The following PAPPA2 variants were observed in gnomAD, a reference collection of about 807,000 sequenced individuals.
The protein encoded by PAPPA2 is pappalysin 2.
Under a neutral mutation model 176.4 loss-of-function variants are expected in PAPPA2, and 86 were observed. The ratio of observed to expected loss-of-function variants is 0.49; its 90% CI spans 0.41 to 0.58. The LOEUF is 0.58. Ranked by LOEUF, PAPPA2 falls within the 20% of genes least tolerant of loss-of-function variation. PAPPA2 has a pLI of 0.00. For missense variants in PAPPA2, 2,073 were observed against 2,256.9 expected, an observed-to-expected ratio of 0.92 and a Z score of 1.65; for synonymous variants, 809 against 852.2, an observed-to-expected ratio of 0.95 and a Z score of 0.88.
chr1:176,692,718 G>C (rs1028427166), intron 6 of PAPPA2, among the ~76,000 whole-genome samples: 1 of 152,208 alleles, frequency 6.6e-6, no homozygotes, highest in African/African-American at 2.4e-5. Context: ...GCACTTCTGG[G>C]TGTGGGTGGA....
Position 176,692,247 on chromosome 1 carries a change from G to A in PAPPA2, c.2553G>A (p.Met851Ile). 1 of 1,614,050 alleles carries A rather than the reference G, an allele frequency of 6.2e-7. No homozygotes were observed. The highest frequency in any genetic ancestry group is 2.2e-5 in the East Asian group (1 of 44,884). ...CCACCCCCATCCCCATTCCACCTAT[G>A]GTCATCGGACAGACCAACAAGTCCC... ...RKPTPIPIPP[M>I]VIGQTNKSLT... Residue 851 changes from methionine to isoleucine, a missense_variant, in exon 6 of 23, where the codon ATG becomes ATA. By Grantham distance (10) the Met-to-Ile change is conservative (BLOSUM62 1). Coordinates refer to ENST00000367662, the MANE Select transcript of PAPPA2 (RefSeq NM_020318.3).
intron 21 of PAPPA2, among the ~76,000 whole-genome samples, chr1:176,833,408 A>AT (rs1405943616): frequency 6.6e-6 from 1 of 152,234 alleles, no homozygotes; most frequent in Non-Finnish European, 1.5e-5. Flanking sequence ...ACAGGATTAC[A>AT]TAAAAACTCC....
At chr1:176,815,823 A>C (rs932493404) in intron 21 of PAPPA2, among the ~76,000 whole-genome samples, 10 of 152,216 alleles carry the variant, frequency 6.6e-5, no homozygotes, top group African/African-American at 1.9e-4. Flanking sequence ...TTCTTTTGAG[A>C]ACTTGATCAG....
At chr1:176,530,398 A>C (rs779751122) in intron 1 of PAPPA2, among the ~76,000 whole-genome samples, 22 of 152,222 alleles carry the variant, frequency 1.4e-4, no homozygotes, top group Non-Finnish European at 2.9e-4. Flanking sequence ...TGAGGAACAC[A>C]AGCAAGGGCC....
chr1:176,736,935 A>G (rs1662445073), intron 12 of PAPPA2, among the ~76,000 whole-genome samples: 1 of 152,040 alleles, frequency 6.6e-6, no homozygotes, highest in African/African-American at 2.4e-5. Context: ...TATCAACTGA[A>G]AATAGCATAT....
At chr1:176,837,011 C>T (rs12144507) in intron 21 of PAPPA2, among the ~76,000 whole-genome samples, 10,942 of 152,128 alleles carry the variant, frequency 0.072, 434 homozygotes, top group Non-Finnish European at 0.086. Context: ...TAACTCCCCA[C>T]AGCAACTTCA....
At chr1:176,472,642 G>T (rs1311090103) in intron 1 of PAPPA2, among the ~76,000 whole-genome samples, 1 of 152,054 alleles carries the variant, frequency 6.6e-6, no homozygotes, top group Admixed American at 6.6e-5. Flanking sequence ...AGTGGGCAGA[G>T]CTACAAAATA....
intron 21 of PAPPA2, among the ~76,000 whole-genome samples, chr1:176,802,754 G>C (rs1338015748): frequency 6.6e-6 from 1 of 152,182 alleles, no homozygotes; most frequent in Non-Finnish European, 1.5e-5. Context: ...AAATCCACCA[G>C]CTCAGTATCC....
intron 2 of PAPPA2, among the ~76,000 whole-genome samples, chr1:176,566,237 T>C (rs1047018871): frequency 6.6e-6 from 1 of 152,176 alleles, no homozygotes; most frequent in Non-Finnish European, 1.5e-5. Context: ...GGGTTAGATC[T>C]GGGCCTTTGG....
At chr1:176,583,519 G>T (rs1653113534) in intron 2 of PAPPA2, among the ~76,000 whole-genome samples, 1 of 151,942 alleles carries the variant, frequency 6.6e-6, no homozygotes, top group African/African-American at 2.4e-5. Context: ...TATTTTTATG[G>T]TTTCAAAAAT....
intron 1 of PAPPA2, among the ~76,000 whole-genome samples, chr1:176,500,238 C>T (rs1422186382): frequency 2.0e-5 from 3 of 151,882 alleles, no homozygotes; most frequent in Non-Finnish European, 4.4e-5. Context: ...TTCCTATTTA[C>T]TTTTACAGTT....
chr1:176,792,744 G>T (rs942646179), intron 19 of PAPPA2, among the ~76,000 whole-genome samples: 2 of 151,990 alleles, frequency 1.3e-5, no homozygotes, highest in Non-Finnish European at 2.9e-5. Context: ...AAATAAATAA[G>T]AGTCACTGAA....
chr1:176,739,914 A>G (rs2102873610), intron 13 of PAPPA2, 66 bp from the exon 14 acceptor site: 4 of 1,587,380 alleles, frequency 2.5e-6, no homozygotes, highest in South Asian at 2.2e-5. Context: ...GATAAAATGA[A>G]TACAAGATAT....
chr1:176,509,717 A>T (rs1648473690), intron 1 of PAPPA2, among the ~76,000 whole-genome samples: 1 of 152,030 alleles, frequency 6.6e-6, no homozygotes. Flanking sequence ...CAGGAATATG[A>T]CTTTGCTGGG....
At chr1:176,796,255 G>A (rs1665420946) in intron 20 of PAPPA2, among the ~76,000 whole-genome samples, 1 of 152,176 alleles carries the variant, frequency 6.6e-6, no homozygotes, top group Non-Finnish European at 1.5e-5. Context: ...AGACAAGAGC[G>A]TCTTGGAGGA....
intron 4 of PAPPA2, among the ~76,000 whole-genome samples, chr1:176,676,860 G>A (rs1659325252): frequency 1.3e-5 from 2 of 152,062 alleles, no homozygotes; most frequent in African/African-American, 2.4e-5. Flanking sequence ...TTGAATGAAG[G>A]TATAGTTGAG....
chr1:176,483,286 A>G (rs1044923446), intron 1 of PAPPA2, among the ~76,000 whole-genome samples: 1 of 151,988 alleles, frequency 6.6e-6, no homozygotes, highest in Non-Finnish European at 1.5e-5. Context: ...ATACAATACA[A>G]AGAATTGTTT....
intron 3 of PAPPA2, among the ~76,000 whole-genome samples, chr1:176,646,465 A>G (rs1020541726): frequency 4.0e-5 from 6 of 150,274 alleles, no homozygotes; most frequent in Non-Finnish European, 7.4e-5. Flanking sequence ...ATTATTCTTG[A>G]CAATAATCAC....
intron 1 of PAPPA2, among the ~76,000 whole-genome samples, chr1:176,551,218 G>A (rs1020604984): frequency 6.6e-6 from 1 of 152,212 alleles, no homozygotes; most frequent in Non-Finnish European, 1.5e-5. Context: ...GCCTTGGAGT[G>A]AAATCTTTCA....
Sources: allele counts gnomAD v4.1 joint callset (sites outside exome capture counted in the v4.1 genomes callset), GRCh38; gene constraint gnomAD v4.1.1; transcripts MANE v1.5; gene names NCBI Gene and HGNC (gene_info 2026-07-23, HGNC 2026-07-21).